ARHGEF3: variants seen among roughly 807,000 people sequenced by gnomAD.
The protein encoded by ARHGEF3 is 59.8 kDA protein.
A neutral mutation model predicts 63.2 loss-of-function variants in ARHGEF3; 28 were observed. The observed-to-expected ratio is 0.44, with a 90% CI of 0.33 to 0.61. The LOEUF (loss-of-function observed/expected upper bound fraction) is 0.61. Ranked by LOEUF, ARHGEF3 falls within the 20% of genes least tolerant of loss-of-function variation. The pLI is 0.03. For synonymous variants in ARHGEF3, 266 were observed against 254.2 expected (o/e 1.05, Z -0.44); for missense variants, 533 against 659.3 (o/e 0.81, Z 2.10).
intron 3 of ARHGEF3, chr3:56,938,624 A>G (rs994151694): frequency 6.6e-6 from 1 of 152,224 alleles, no homozygotes; most frequent in African/African-American, 2.4e-5. Flanking sequence ...AACATACATG[A>G]GGCCTTAGCT....
exon 2 of ARHGEF3, chr3:57,035,131 T>C (rs1157835330): frequency 3.9e-6 from 6 of 1,549,238 alleles, no homozygotes; most frequent in Non-Finnish European, 5.2e-6. Flanking sequence ...CATTGATTCA[T>C]TGCTGTGGAA....
At chr3:56,934,494 C>T (rs2042497143) in intron 3 of ARHGEF3, among the ~76,000 whole-genome samples, 2 of 151,102 alleles carry the variant, frequency 1.3e-5, no homozygotes, top group East Asian at 3.9e-4. Flanking sequence ...ACTGGGGCTG[C>T]GTGCGGTGCT....
upstream of ARHGEF3, among the ~76,000 whole-genome samples, chr3:56,802,780 T>A (rs1053535373): frequency 6.6e-6 from 1 of 152,208 alleles, no homozygotes; most frequent in Non-Finnish European, 1.5e-5. Context: ...AAGAAGGCGA[T>A]TGATCTTAAG....
chr3:57,074,400 A>G lies in ARHGEF3; in HGVS notation c.-28+4826T>C, dbSNP rs187109724. 6 of 746,408 alleles carry G rather than the reference A, an allele frequency of 8.0e-6. No homozygotes were observed. In the East Asian group the frequency reaches 1.5e-4, roughly 19 times the overall value. 46.2% of individuals were successfully genotyped at this position (746,408 alleles called of 1,614,324 possible). A position where few individuals can be genotyped will look rare whatever the true frequency, so the allele number is the denominator to read the frequency against. ...GCCATCCCTTTCTGCATCTTCTTAGATATCACTTTTTCCAAGAAGCCTCCC... is the reference window on the plus strand; with the variant it reads ...GCCATCCCTTTCTGCATCTTCTTAGGTATCACTTTTTCCAAGAAGCCTCCC... On this transcript the variant is annotated intron_variant, in intron 1 of 12. Coordinates refer to the ARHGEF3 transcript ENST00000338458.
intron 4 of ARHGEF3, among the ~76,000 whole-genome samples, chr3:56,821,815 T>C (rs1484476673): frequency 6.6e-6 from 1 of 151,956 alleles, no homozygotes; most frequent in Non-Finnish European, 1.5e-5. Context: ...AATGCAAAAA[T>C]TAGCCGGGCA....
At chr3:57,040,471 C>T (rs34321961) in intron 1 of ARHGEF3, among the ~76,000 whole-genome samples, 4 of 91,034 alleles carry the variant, frequency 4.4e-5, no homozygotes, top group African/African-American at 7.5e-5. Flanking sequence ...AATAAGACTC[C>T]GTCAAAAGAA....
At chr3:56,798,266 T>A (rs1364144903) in intron 1 of ARHGEF3, among the ~76,000 whole-genome samples, 1 of 152,224 alleles carries the variant, frequency 6.6e-6, no homozygotes, top group African/African-American at 2.4e-5. Context: ...TACAAATTTT[T>A]AAAACTGCTG....
intron 1 of ARHGEF3, chr3:56,775,765 T>G: frequency 1.4e-6 from 1 of 728,866 alleles, no homozygotes; most frequent in Non-Finnish European, 1.7e-6. Flanking sequence ...GCTGCACCAC[T>G]AGCGTACTGA....
intron 3 of ARHGEF3, among the ~76,000 whole-genome samples, chr3:56,948,699 T>A (rs1699646230): frequency 6.6e-6 from 1 of 151,960 alleles, no homozygotes; most frequent in African/African-American, 2.4e-5. Context: ...CTACCAGAGG[T>A]ACAAGGAGGA....
intron 6 of ARHGEF3, among the ~76,000 whole-genome samples, chr3:56,747,999 A>G (rs1384154065): frequency 6.6e-6 from 1 of 152,222 alleles, no homozygotes; most frequent in Non-Finnish European, 1.5e-5. Context: ...GGCTTCTGAT[A>G]TAGAATCAGT....
intron 3 of ARHGEF3, among the ~76,000 whole-genome samples, chr3:56,955,502 C>A (rs1326050702): frequency 6.6e-6 from 1 of 152,196 alleles, no homozygotes; most frequent in Non-Finnish European, 1.5e-5. Flanking sequence ...TGCGCCCGGC[C>A]TGGATCCCTT....
chr3:56,897,560 T>A (rs2041343837), intron 3 of ARHGEF3, among the ~76,000 whole-genome samples: 2 of 151,834 alleles, frequency 1.3e-5, no homozygotes, highest in South Asian at 4.2e-4. Context: ...TCTATCTATA[T>A]GTATCTTTTT....
Position 56,766,574 on chromosome 3 carries a change from A to T in ARHGEF3, c.204+7135T>A, listed in dbSNP as rs182102814. On this transcript the variant is annotated intron_variant, in intron 2 of 9. Coordinates refer to ENST00000296315, the MANE Select transcript of ARHGEF3 (RefSeq NM_019555.3). ...ACTAATTTTTGAGCACATCCTAAGTAATGTGTAGTATTAGGCACTGTGGAT... is the reference window on the plus strand; with the variant it reads ...ACTAATTTTTGAGCACATCCTAAGTTATGTGTAGTATTAGGCACTGTGGAT... Among the ~76,000 whole-genome samples the T allele has an allele frequency of 3.1e-3, 467 of 152,258 alleles. 2 individuals are homozygous for T. Among genetic ancestry groups the T allele is most frequent in the African/African-American group, 0.011 (442 of 41,564 alleles).
chr3:56,921,170 G>C (rs2042128904), intron 3 of ARHGEF3, among the ~76,000 whole-genome samples: 1 of 148,566 alleles, frequency 6.7e-6, no homozygotes, highest in Admixed American at 6.7e-5. Context: ...TTCAAGACCT[G>C]CCTGGACAAC....
chr3:56,825,533 AG>A (rs35779807), intron 4 of ARHGEF3, among the ~76,000 whole-genome samples: 12,688 of 152,314 alleles, frequency 0.083, 777 homozygotes, highest in Admixed American at 0.21. Flanking sequence ...TTAGGATCTC[AG>A]AAACCCATCA....
At chr3:56,845,126 C>T (rs35522485) in intron 4 of ARHGEF3, among the ~76,000 whole-genome samples, 1 of 152,064 alleles carries the variant, frequency 6.6e-6, no homozygotes, top group Admixed American at 6.5e-5. Flanking sequence ...CCTTCAACCA[C>T]AAGAAGCTGA....
chr3:56,775,665 G>A, intron 1 of ARHGEF3: 1 of 985,764 alleles, frequency 1.0e-6, no homozygotes, highest in Non-Finnish European at 1.2e-6. Context: ...TGCTTCAGGT[G>A]ACAATGCCCT....
intron 6 of ARHGEF3, among the ~76,000 whole-genome samples, chr3:56,747,040 C>T (rs2034427413): frequency 6.8e-6 from 1 of 147,572 alleles, no homozygotes; most frequent in Non-Finnish European, 1.5e-5. Flanking sequence ...ATAATTGGTA[C>T]TTATACATGC....
At chr3:56,906,388 G>A (rs1025166207) in intron 3 of ARHGEF3, among the ~76,000 whole-genome samples, 4 of 152,290 alleles carry the variant, frequency 2.6e-5, no homozygotes, top group South Asian at 4.1e-4. Context: ...GATGGCTACC[G>A]TAAGCCACAT....
Sources: gnomAD v4.1 joint callset for allele counts (sites outside exome capture counted in the v4.1 genomes callset) on GRCh38, gnomAD v4.1.1 for gene constraint, MANE v1.5 for transcripts, NCBI Gene and HGNC (gene_info 2026-07-23, HGNC 2026-07-21) for gene names.